CD8A: variants seen among roughly 807,000 people sequenced by gnomAD.
CD8A encodes the protein T-cell surface glycoprotein CD8 alpha chain.
A neutral mutation model predicts 24.2 loss-of-function variants in CD8A; 25 were observed. The ratio of observed to expected loss-of-function variants is 1.03; its 90% CI spans 0.75 to 1.44. The LOEUF is 1.44. Ranked by LOEUF, CD8A falls within the 40% of genes most tolerant of loss-of-function variation. The pLI is 0.00. For missense variants in CD8A, 360 were observed against 319.7 expected (o/e 1.13, Z -0.96); for synonymous variants, 165 against 149.9 (o/e 1.10, Z -0.74).
rs558079424 is a variant in CD8A at position 86,787,304 on chromosome 2, C to T, written c.656+1226G>A. ...CACCTGTAACATATGCATTGGAAATCCATTGCATTTCCATTGCTAAAAACA... is the reference window on the plus strand; with the variant it reads ...CACCTGTAACATATGCATTGGAAATTCATTGCATTTCCATTGCTAAAAACA... On this transcript the variant is annotated intron_variant, in intron 5 of 5. Coordinates refer to ENST00000283635, the MANE Select transcript of CD8A (RefSeq NM_001768.7). 8.0e-4 allele frequency among the ~76,000 whole-genome samples: 121 copies of T among 152,080 alleles called. 2 individuals carry two copies. In the South Asian group the frequency reaches 0.024, roughly 31 times the overall value.
At chr2:86,801,789 A>C (rs1301912796) in intron 2 of CD8A, 3 of 152,188 alleles carry the variant, frequency 2.0e-5, no homozygotes, top group African/African-American at 7.2e-5. Context: ...CAAAATTAAT[A>C]CTGAACTCTG....
At chr2:86,797,053 T>C (rs1191721243) in intron 3 of CD8A, among the ~76,000 whole-genome samples, 2 of 152,212 alleles carry the variant, frequency 1.3e-5, no homozygotes, top group Admixed American at 6.5e-5. Flanking sequence ...GTCTCAGTGA[T>C]TGGCTTTCTG....
At chr2:86,806,010 T>TA (rs1212338585) in intron 2 of CD8A, among the ~76,000 whole-genome samples, 2 of 152,194 alleles carry the variant, frequency 1.3e-5, no homozygotes, top group Admixed American at 6.5e-5. Context: ...TTTGTTATCT[T>TA]AAAACAGTTT....
chr2:86,790,433 G>A lies in CD8A; in HGVS notation c.298C>T (p.Leu100Phe), dbSNP rs79392961. ...TCTCGGCGGAAGTCGCTCAGGGTGA[G>A]GACGAAGGTGTCCCCCAACCTCTTG... ...SGKRLGDTFV[L>F]TLSDFRRENE... Residue 100 changes from leucine to phenylalanine, a missense_variant, in exon 2 of 6, where the codon CTC (leucine) becomes TTC (phenylalanine). Physicochemically the swap from Leu to Phe is conservative, Grantham distance 22. Coordinates refer to ENST00000283635, the MANE Select transcript of CD8A (RefSeq NM_001768.7). 3,624 of 1,614,138 alleles carry A rather than the reference G, an allele frequency of 2.2e-3. 76 individuals carry two copies. In the African/African-American group the frequency reaches 0.042, roughly 19 times the overall value.
At chr2:86,798,651 T>C (rs761160928) in intron 3 of CD8A, among the ~76,000 whole-genome samples, 1 of 152,114 alleles carries the variant, frequency 6.6e-6, no homozygotes, top group Non-Finnish European at 1.5e-5. Context: ...GCCTCCTGAG[T>C]AGCTAGGACT....
At chr2:86,786,787 A>G (rs900661916) in intron 5 of CD8A, among the ~76,000 whole-genome samples, 42 of 152,118 alleles carry the variant, frequency 2.8e-4, no homozygotes, top group African/African-American at 4.8e-4. Context: ...TTGGGAGGCC[A>G]AGGCGGGCGG....
chr2:86,786,898 T>C (rs1230022928), intron 5 of CD8A, among the ~76,000 whole-genome samples: 1 of 149,408 alleles, frequency 6.7e-6, no homozygotes, highest in Non-Finnish European at 1.5e-5. Flanking sequence ...CGGGTGCCTG[T>C]AGTCCCAGCT....
chr2:86,790,467 C>A lies in CD8A; in HGVS notation c.264G>T (p.Arg88=). 1 of 1,614,166 alleles carries A rather than the reference C, an allele frequency of 6.2e-7. No individual in the cohort carries two copies. The highest frequency in any genetic ancestry group is 8.5e-7 in the Non-Finnish European group (1 of 1,180,026). ...TGTCCCCCAACCTCTTGCCCGAGAA[C>A]CGCTGGGTGTCCAGCCCCTCGGCCG... ...PKAAEGLDTQ[R]FSGKRLGDTF... Residue 88 remains arginine, a synonymous_variant, in exon 2 of 6, where the codon CGG becomes CGT. Coordinates refer to ENST00000283635, the MANE Select transcript of CD8A (RefSeq NM_001768.7).
At position 86,788,529 on chromosome 2, in the gene CD8A, C is replaced by T. The variant is rs1673117235; in HGVS notation, c.656+1G>A. On this transcript the variant is annotated splice_donor_variant, in intron 5 of 5. Transcript: ENST00000283635. LOFTEE classifies it high-confidence loss of function. ...GCAGGCTGAGTTCAAAAGAGACTCA[C>T]CGGGGACATTTGCAAACACGTCTTC... 6.2e-7 allele frequency: 1 copy of T among 1,613,020 alleles called. No individual in the cohort carries two copies. The highest frequency in any genetic ancestry group is 1.1e-5 in the South Asian group (1 of 90,832).
In CD8A at chr2:86,790,618, G is replaced by A. The variant is rs769109914; in HGVS notation, c.113C>T (p.Thr38Ile). ...PLDRTWNLGE[T>I]VELKCQVLLS... ...CAGCACCTGGCACTTCAGCTCCACTGTCTCGCCCAGGTTCCAGGTCCGATC... is the reference window on the plus strand; with the variant it reads ...CAGCACCTGGCACTTCAGCTCCACTATCTCGCCCAGGTTCCAGGTCCGATC... Residue 38 changes from threonine to isoleucine, a missense_variant, in exon 2 of 6, where the codon ACA becomes ATA. Transcript: ENST00000283635. 6.2e-7 allele frequency: 1 copy of A among 1,607,292 alleles called. No individual in the cohort carries two copies. Among genetic ancestry groups the A allele is most frequent in the Non-Finnish European group, 8.5e-7 (1 of 1,179,382 alleles).
At position 86,785,023 on chromosome 2, in the gene CD8A, G is replaced by A; in HGVS notation, c.*897C>T. 2.2e-6 allele frequency: 1 copy of A among 454,054 alleles called. No individual in the cohort carries two copies. Among genetic ancestry groups the A allele is most frequent in the South Asian group, 1.6e-5 (1 of 64,480 alleles). 28.1% of individuals were successfully genotyped at this position (454,054 alleles called of 1,614,324 possible). Reference sequence around the variant, plus strand: ...TATAAAAAGTCATCAGTGATCCCAGGAACATGTTTGTATCTCAAATTCAGA... The same window carrying A: ...TATAAAAAGTCATCAGTGATCCCAGAAACATGTTTGTATCTCAAATTCAGA... On this transcript the variant is annotated 3_prime_UTR_variant, in exon 6 of 6. Coordinates refer to ENST00000283635, the MANE Select transcript of CD8A (RefSeq NM_001768.7).
chr2:86,790,076 T>G (rs13411320), intron 2 of CD8A, among the ~76,000 whole-genome samples: 11,054 of 152,238 alleles, frequency 0.073, 451 homozygotes, highest in African/African-American at 0.093. Context: ...GAGGCGCAGA[T>G]AATTTAAGTC....
At chr2:86,793,063 G>A (rs1159755660), upstream of CD8A, among the ~76,000 whole-genome samples, 1 of 152,150 alleles carries the variant, frequency 6.6e-6, no homozygotes, top group East Asian at 1.9e-4. Context: ...GATATTATCT[G>A]TACATAAACA....
intron 2 of CD8A, among the ~76,000 whole-genome samples, chr2:86,805,379 A>G (rs1342032442): frequency 6.6e-6 from 1 of 152,206 alleles, no homozygotes; most frequent in Admixed American, 6.5e-5. Flanking sequence ...GACTGATTCG[A>G]AAGATGTGTC....
chr2:86,791,228 G>T, upstream of CD8A: 1 of 409,932 alleles, frequency 2.4e-6, no homozygotes, highest in Non-Finnish European at 4.6e-6. Flanking sequence ...GCAAAGGAGG[G>T]GAGTGTCCCT....
At chr2:86,799,613 G>A (rs553346447) in intron 3 of CD8A, among the ~76,000 whole-genome samples, 46 of 152,194 alleles carry the variant, frequency 3.0e-4, no homozygotes, top group African/African-American at 9.2e-4. Context: ...AAAATTAGCC[G>A]GGCACGGTGG....
intron 3 of CD8A, among the ~76,000 whole-genome samples, chr2:86,801,140 CTG>C (rs1351379293): frequency 6.6e-6 from 1 of 152,192 alleles, no homozygotes; most frequent in Non-Finnish European, 1.5e-5. Context: ...GCTTCTAGAA[CTG>C]TGAGGCAATA....
exon 1 of CD8A, chr2:86,808,330 G>A (rs1288125604): frequency 6.6e-6 from 1 of 152,222 alleles, no homozygotes; most frequent in African/African-American, 2.4e-5. Context: ...ACAGAGGAGG[G>A]ATCTAGAATT....
upstream of CD8A, among the ~76,000 whole-genome samples, chr2:86,792,213 C>T (rs1673333622): frequency 6.6e-6 from 1 of 152,100 alleles, no homozygotes; most frequent in Admixed American, 6.5e-5. Flanking sequence ...GGCATGCCCT[C>T]TTCCCATTTC....
Sources: gnomAD v4.1 joint callset for allele counts (sites outside exome capture counted in the v4.1 genomes callset) on GRCh38, gnomAD v4.1.1 for gene constraint, MANE v1.5 for transcripts, NCBI Gene and HGNC (gene_info 2026-07-23, HGNC 2026-07-21) for gene names.